NFIA: variants seen among roughly 807,000 people sequenced by gnomAD.
NFIA encodes the protein nuclear factor I A.
A neutral mutation model predicts 62.8 loss-of-function variants in NFIA; 8 were observed. That is an observed-to-expected ratio of 0.13 (90% CI 0.07 to 0.23). The LOEUF (loss-of-function observed/expected upper bound fraction) is 0.23. NFIA is among the 10% of genes least tolerant of loss of function. The probability of loss-of-function intolerance (pLI) is 1.00; values close to 1 mark genes in which losing one functional copy is unlikely to be tolerated. For missense variants in NFIA, 410 were observed against 642.1 expected (o/e 0.64, Z 3.91); for synonymous variants, 235 against 238.1 (o/e 0.99, Z 0.12).
intron 2 of NFIA, among the ~76,000 whole-genome samples, chr1:61,160,596 G>C (rs1416201820): frequency 6.6e-6 from 1 of 152,172 alleles, no homozygotes; most frequent in Non-Finnish European, 1.5e-5. Context: ...AAGGAGGACT[G>C]AACTTGGACG....
At chr1:61,376,420 T>G (rs1664151524) in intron 6 of NFIA, among the ~76,000 whole-genome samples, 1 of 152,192 alleles carries the variant, frequency 6.6e-6, no homozygotes, top group African/African-American at 2.4e-5. Flanking sequence ...ATATACTCTT[T>G]TGCAACTCAA....
intron 10 of NFIA, among the ~76,000 whole-genome samples, chr1:61,447,472 C>A (rs1479831181): frequency 6.6e-6 from 1 of 152,096 alleles, no homozygotes; most frequent in Non-Finnish European, 1.5e-5. Context: ...AAACATGAGG[C>A]CCAAGTTGAA....
chr1:61,186,993 T>G (rs1651232874), intron 2 of NFIA, among the ~76,000 whole-genome samples: 1 of 152,214 alleles, frequency 6.6e-6, no homozygotes, highest in Non-Finnish European at 1.5e-5. Flanking sequence ...GTACTTTTGC[T>G]TTCATAATAC....
chr1:61,426,466 C>G lies in NFIA; in HGVS notation c.1422C>G (p.Thr474=). The change falls in exon 10 of 11, where the codon ACC becomes ACG. Residue 474 remains threonine (T), a splice_region_variant and synonymous_variant. Transcript: ENST00000403491. ...EGGAASPTSP[T]YSTPSTSPAN... ...CGCATGTGTCCCTTCCCTTCACAGC[C>G]TACTCGACACCCAGCACCTCCCCCG... 11 of 1,551,452 alleles carry G rather than the reference C, an allele frequency of 7.1e-6. No individual in the cohort carries two copies. Among genetic ancestry groups the G allele is most frequent in the Non-Finnish European group, 9.6e-6 (11 of 1,146,608 alleles).
upstream of NFIA, chr1:61,082,346 C>T (rs1184986860): frequency 3.1e-6 from 1 of 325,552 alleles, no homozygotes. Context: ...CGCGCGGCGC[C>T]GCAGCCGCCC....
At chr1:61,418,806 C>G (rs1666474140) in intron 9 of NFIA, among the ~76,000 whole-genome samples, 1 of 152,118 alleles carries the variant, frequency 6.6e-6, no homozygotes, top group Non-Finnish European at 1.5e-5. Context: ...GAAGTAGATT[C>G]CAGAGTTGCA....
intron 3 of NFIA, among the ~76,000 whole-genome samples, chr1:61,330,284 A>C (rs1187656691): frequency 1.3e-5 from 2 of 152,222 alleles, no homozygotes; most frequent in African/African-American, 4.8e-5. Flanking sequence ...TCATCTACTC[A>C]TTCAGTAAAT....
At chr1:61,093,605 C>A (rs568318298) in intron 2 of NFIA, among the ~76,000 whole-genome samples, 2 of 152,216 alleles carry the variant, frequency 1.3e-5, no homozygotes, top group Non-Finnish European at 2.9e-5. Flanking sequence ...TTCTGTGTAA[C>A]TTGAGGATAG....
intron 2 of NFIA, among the ~76,000 whole-genome samples, chr1:61,098,123 A>C (rs1646447749): frequency 6.6e-6 from 1 of 152,226 alleles, no homozygotes; most frequent in South Asian, 2.1e-4. Context: ...ATACTATTAA[A>C]CAGAGTTGTG....
upstream of NFIA, among the ~76,000 whole-genome samples, chr1:61,079,790 C>A (rs1456580208): frequency 1.3e-5 from 2 of 152,284 alleles, no homozygotes; most frequent in East Asian, 3.9e-4. Flanking sequence ...CAAGGATTTA[C>A]TTTTGCAACT....
At chr1:61,159,447 G>A (rs1423392995) in intron 2 of NFIA, among the ~76,000 whole-genome samples, 1 of 152,110 alleles carries the variant, frequency 6.6e-6, no homozygotes, top group Non-Finnish European at 1.5e-5. Flanking sequence ...TGGTTGCAGT[G>A]GGCCTGAGAT....
chr1:61,374,996 C>G lies in NFIA; in HGVS notation c.947-8241C>G, dbSNP rs17122034. ...ACATCTAACAAACGTGTGGTGTCTT[C>G]AACGACCTCCTTGTATCACGCAGCC... On this transcript the variant is annotated intron_variant, in intron 6 of 10. Coordinates refer to ENST00000403491, the MANE Select transcript of NFIA (RefSeq NM_001134673.4). Among the ~76,000 whole-genome samples, 520 of 152,300 alleles carry G rather than the reference C, an allele frequency of 3.4e-3. 10 individuals are homozygous for G. The East Asian group carries it at 0.041, about 12-fold the overall frequency.
At chr1:61,309,814 A>G (rs1430501838) in intron 3 of NFIA, among the ~76,000 whole-genome samples, 1 of 152,142 alleles carries the variant, frequency 6.6e-6, no homozygotes, top group Non-Finnish European at 1.5e-5. Flanking sequence ...GCTTGAACCC[A>G]GGAGGCGGAG....
At chr1:61,085,253 AT>A (rs907376232) in intron 1 of NFIA, among the ~76,000 whole-genome samples, 2 of 152,174 alleles carry the variant, frequency 1.3e-5, no homozygotes, top group Admixed American at 1.3e-4. Flanking sequence ...TGGGCATATA[AT>A]CAAATCAGGT....
chr1:61,161,200 C>G (rs923877896), intron 2 of NFIA, among the ~76,000 whole-genome samples: 5 of 152,232 alleles, frequency 3.3e-5, no homozygotes, highest in African/African-American at 1.2e-4. Flanking sequence ...CAGGTGTGCA[C>G]CACCGTGCCT....
intron 4 of NFIA, among the ~76,000 whole-genome samples, chr1:61,334,718 A>G (rs546812625): frequency 2.6e-5 from 4 of 151,466 alleles, no homozygotes; most frequent in East Asian, 1.9e-4. Context: ...AATCCTTTTA[A>G]GCGTAAGATT....
chr1:61,193,069 C>A (rs558310900), intron 2 of NFIA, among the ~76,000 whole-genome samples: 2 of 152,316 alleles, frequency 1.3e-5, no homozygotes, highest in East Asian at 3.9e-4. Context: ...CCTAGTATAG[C>A]GTTCAAAACT....
intron 7 of NFIA, among the ~76,000 whole-genome samples, chr1:61,403,136 T>C (rs554126956): frequency 1.3e-5 from 2 of 152,362 alleles, no homozygotes; most frequent in South Asian, 4.1e-4. Context: ...ATAAATACTT[T>C]CATCTCCTCT....
chr1:61,453,443 C>CTTTTTTTTTTTTTTTTTTTT (rs11336299), intron 10 of NFIA, among the ~76,000 whole-genome samples: 1 of 78,868 alleles, frequency 1.3e-5, no homozygotes, highest in Non-Finnish European at 2.3e-5. Flanking sequence ...TGTGAAGAAA[C>CTTTTTTTTTTTTTTTTTTTT]TTTTTTTTTT....
Sources: gnomAD v4.1 joint callset for allele counts (sites outside exome capture counted in the v4.1 genomes callset) on GRCh38, gnomAD v4.1.1 for gene constraint, MANE v1.5 for transcripts, NCBI Gene and HGNC (gene_info 2026-07-23, HGNC 2026-07-21) for gene names.